Variants in LONRF1 observed in about 807,000 individuals in gnomAD.
LONRF1 encodes LON peptidase N-terminal domain and ring finger 1, also known as LON peptidase N-terminal domain and RING finger protein 1.
Under a neutral mutation model 85.8 loss-of-function variants are expected in LONRF1, and 37 were observed. That is an observed-to-expected ratio of 0.43 (90% CI 0.33 to 0.57). The LOEUF is 0.57. Ranked by LOEUF, LONRF1 falls within the 20% of genes least tolerant of loss-of-function variation. The pLI, the probability that LONRF1 is intolerant of heterozygous loss-of-function variation, is 0.04. For synonymous variants in LONRF1, 517 were observed against 390.1 expected, an observed-to-expected ratio of 1.33 and a Z score of -3.83; for missense variants, 1,036 against 978.0, an observed-to-expected ratio of 1.06 and a Z score of -0.79.
chr8:12,731,597 C>T, intron 8 of LONRF1, 139 bp downstream of exon 8: 1 of 653,416 alleles, frequency 1.5e-6, no homozygotes, highest in South Asian at 2.5e-5. Context: ...AAGATTCTGT[C>T]TGTTGAGGAC....
At chr8:12,739,558 C>T (rs868014981) in intron 3 of LONRF1, among the ~76,000 whole-genome samples, 1 of 152,112 alleles carries the variant, frequency 6.6e-6, no homozygotes, top group African/African-American at 2.4e-5. Context: ...GATGCTGTTA[C>T]ACAGGTACAT....
At chr8:12,745,494 G>C (rs961162393) in intron 1 of LONRF1, among the ~76,000 whole-genome samples, 2 of 152,104 alleles carry the variant, frequency 1.3e-5, no homozygotes, top group Non-Finnish European at 2.9e-5. Flanking sequence ...AAACTTTCAA[G>C]AAAGACAACA....
intron 1 of LONRF1, among the ~76,000 whole-genome samples, chr8:12,748,457 A>C (rs1025640726): frequency 2.0e-5 from 3 of 152,192 alleles, no homozygotes; most frequent in Non-Finnish European, 2.9e-5. Flanking sequence ...TTGGCCTCCC[A>C]AAGTTTTGGC....
In LONRF1 at chr8:12,738,036, T is replaced by C. The variant is rs183963431; in HGVS notation, c.1072A>G (p.Met358Val). The C allele has an allele frequency of 2.5e-6, 4 of 1,610,726 alleles. No individual in the cohort carries two copies. Among genetic ancestry groups the C allele is most frequent in the Admixed American group, 1.7e-5 (1 of 59,694 alleles). The change falls in exon 4 of 12, where the codon ATG (methionine) becomes GTG (valine). Residue 358 changes from methionine to valine, a missense_variant. Coordinates refer to ENST00000398246, the MANE Select transcript of LONRF1 (RefSeq NM_152271.5). Reference protein sequence around the residue: ...KNRPFDFHSVMEESQSLNEPS... With the variant: ...KNRPFDFHSVVEESQSLNEPS... ...TCATTGAGAGACTGAGACTCTTCCATCACTGAATGAAAATCAAAAGGTCTG... is the reference window on the plus strand; with the variant it reads ...TCATTGAGAGACTGAGACTCTTCCACCACTGAATGAAAATCAAAAGGTCTG...
Position 12,740,877 on chromosome 8 carries a change from T to C in LONRF1, c.960A>G (p.Gln320=), listed in dbSNP as rs759149219. The change falls in exon 3 of 12, where the codon CAA becomes CAG. Residue 320 remains glutamine (Q), a synonymous_variant. Coordinates refer to ENST00000398246, the MANE Select transcript of LONRF1 (RefSeq NM_152271.5). ...TAATTGTTGGTAAACTGATTACCTT[T>C]TGTACTTGCAGCTTTGCAGGTGCAA... ...EDFAPAKLQV[Q]KILCDLLLPE... 7 of 1,613,340 alleles carry C rather than the reference T, an allele frequency of 4.3e-6. No homozygotes were observed. The Admixed American group carries it at 5.0e-5, about 12-fold the overall frequency.
chr8:12,731,748 G>T lies in LONRF1; in HGVS notation c.1676C>A (p.Ala559Asp). The T allele has an allele frequency of 6.2e-7, 1 of 1,611,618 alleles. No individual in the cohort carries two copies. The highest frequency in any genetic ancestry group is 2.2e-5 in the East Asian group (1 of 44,842). Residue 559 changes from alanine to aspartate, a missense_variant, in exon 8 of 12, where the codon GCT becomes GAT. By Grantham distance (126) the Ala-to-Asp change is moderately radical. Transcript: ENST00000398246. ...ERKKIYDEET[A>D]ELSHLTKNVP... ...AGAAGAAACTTACTGTGAGAGTTCA[G>T]CAGTTTCTTCATCATATATTTTTTT...
intron 6 of LONRF1, 126 bp from the exon 7 acceptor site, chr8:12,735,526 G>C (rs1486707037): frequency 1.5e-6 from 1 of 645,580 alleles, no homozygotes; most frequent in Non-Finnish European, 2.8e-6. Context: ...GCAGGCAGGA[G>C]AGGAGAGAAA....
Position 12,755,376 on chromosome 8 carries a change from C to T in LONRF1, c.45G>A (p.Arg15=). ...AVARTSPGGS[R]EMAPAPQGRG... is the part of the protein sequence containing the mutation. The stretch of plus-strand genomic sequence containing the variant: ...GGCCCTGCGGCGCTGGGGCCATCTC[C>T]CGACTCCCTCCTGGGGAGGTCCTCG... The change falls in exon 1 of 12, where the codon CGG becomes CGA. Residue 15 remains arginine, a synonymous_variant. Transcript: ENST00000398246. 8.3e-7 allele frequency: 1 copy of T among 1,202,736 alleles called. No individual in the cohort carries two copies. Among genetic ancestry groups the T allele is most frequent in the Non-Finnish European group, 1.0e-6 (1 of 968,014 alleles). The allele number at this position is 1,202,736 out of a possible 1,614,324, so 74.5% of individuals were successfully genotyped here.
chr8:12,739,189 T>A (rs948894997), intron 3 of LONRF1, among the ~76,000 whole-genome samples: 3 of 151,988 alleles, frequency 2.0e-5, no homozygotes, highest in African/African-American at 7.2e-5. Flanking sequence ...AGAATACTCA[T>A]AGCAGCTTAG....
chr8:12,751,088 G>C (rs1163516970), intron 1 of LONRF1, among the ~76,000 whole-genome samples: 2 of 152,080 alleles, frequency 1.3e-5, no homozygotes, highest in Admixed American at 6.5e-5. Context: ...GGCGAGGGCT[G>C]CGTCAGGATT....
rs1798786999 is a variant in LONRF1, at chr8:12,738,002, G to A, written c.1106C>T (p.Pro369Leu). Residue 369 changes from proline (P) to leucine (L), a missense_variant, in exon 4 of 12, where the codon CCA becomes CTA. Pro to Leu is a moderately conservative substitution (Grantham distance 98). This residue lies in a region of LONRF1 where 742 missense variants were observed against 614.4 expected (regional missense o/e 1.21). Coordinates refer to ENST00000398246, the MANE Select transcript of LONRF1 (RefSeq NM_152271.5). ...CCTTGTCTCACCCCGTACCTGCTTT[G>A]GGCTAGGTTCATTGAGAGACTGAGA... ...EESQSLNEPS[P>L]KQSEEIPEVT... is the part of the protein sequence containing the mutation. The A allele has an allele frequency of 1.9e-6, 3 of 1,605,710 alleles. No homozygotes were observed. Among genetic ancestry groups the A allele is most frequent in the Non-Finnish European group, 2.5e-6 (3 of 1,177,146 alleles).
At chr8:12,751,148 C>T (rs1023696704) in intron 1 of LONRF1, among the ~76,000 whole-genome samples, 15 of 152,092 alleles carry the variant, frequency 9.9e-5, no homozygotes, top group Non-Finnish European at 2.1e-4. Context: ...CACTAAGCCA[C>T]ACTGCATGTC....
intron 10 of LONRF1, among the ~76,000 whole-genome samples, chr8:12,726,899 T>C (rs1257373447): frequency 6.6e-6 from 1 of 152,194 alleles, no homozygotes; most frequent in African/African-American, 2.4e-5. Context: ...CATCTGTTTT[T>C]TGCATAACAA....
At chr8:12,751,552 G>C (rs1158550858) in intron 1 of LONRF1, among the ~76,000 whole-genome samples, 1 of 151,704 alleles carries the variant, frequency 6.6e-6, no homozygotes, top group African/African-American at 2.4e-5. Context: ...CGATCCGCCC[G>C]CCTCGGTCTC....
intron 7 of LONRF1, among the ~76,000 whole-genome samples, chr8:12,732,980 G>A (rs976846321): frequency 2.0e-5 from 3 of 152,160 alleles, no homozygotes; most frequent in African/African-American, 7.2e-5. Context: ...GGGGAAATGC[G>A]AGAGGTTGGG....
chr8:12,740,815 T>C, intron 3 of LONRF1, 59 bp downstream of exon 3: 2 of 1,554,908 alleles, frequency 1.3e-6, no homozygotes, highest in Non-Finnish European at 1.7e-6. Flanking sequence ...AGCTTTTTTT[T>C]TTAAACCTGT....
chr8:12,752,757 C>T (rs1434227546), intron 1 of LONRF1, among the ~76,000 whole-genome samples: 1 of 152,212 alleles, frequency 6.6e-6, no homozygotes, highest in Non-Finnish European at 1.5e-5. Flanking sequence ...GCTCACTGTT[C>T]TTCCATGGAC....
intron 1 of LONRF1, chr8:12,754,240 C>T (rs1799533369): frequency 6.5e-6 from 1 of 154,130 alleles, no homozygotes; most frequent in South Asian, 2.1e-4. Context: ...GCCTAGTTGC[C>T]CTCGCGGGGG....
intron 1 of LONRF1, among the ~76,000 whole-genome samples, chr8:12,752,095 G>A (rs772217551): frequency 2.6e-5 from 4 of 152,158 alleles, no homozygotes; most frequent in African/African-American, 4.8e-5. Context: ...CTGCAGACTA[G>A]ATTTTTTCTA....
Sources: allele counts gnomAD v4.1 joint callset (sites outside exome capture counted in the v4.1 genomes callset), GRCh38; gene constraint gnomAD v4.1.1; regional missense constraint gnomAD v4.1.1; transcripts MANE v1.5; gene names NCBI Gene and HGNC (gene_info 2026-07-23, HGNC 2026-07-21).